The following CNTNAP2 variants were observed in gnomAD, a reference collection of about 807,000 sequenced individuals.
The protein encoded by CNTNAP2 is contactin-associated protein-like 2.
A neutral mutation model predicts 155.2 loss-of-function variants in CNTNAP2; 98 were observed. The ratio of observed to expected loss-of-function variants is 0.63; its 90% CI spans 0.54 to 0.75. CNTNAP2 has a LOEUF of 0.75. CNTNAP2 is among the 30% of genes least tolerant of loss of function. The probability of loss-of-function intolerance (pLI) is 0.00; values close to 1 mark genes in which losing one functional copy is unlikely to be tolerated. For missense variants in CNTNAP2, 1,727 were observed against 1,688.1 expected, an observed-to-expected ratio of 1.02 and a Z score of -0.40; for synonymous variants, 651 against 631.2, an observed-to-expected ratio of 1.03 and a Z score of -0.47.
intron 1 of CNTNAP2, among the ~76,000 whole-genome samples, chr7:146,685,226 A>C (rs187768674): frequency 6.6e-5 from 10 of 152,332 alleles, no homozygotes; most frequent in Non-Finnish European, 1.0e-4. Flanking sequence ...ATCCACTATC[A>C]TGCCGATTTC....
intron 3 of CNTNAP2, among the ~76,000 whole-genome samples, chr7:146,911,798 A>C (rs1433515913): frequency 2.0e-5 from 3 of 152,256 alleles, no homozygotes; most frequent in African/African-American, 7.2e-5. Context: ...CTAAAACTTA[A>C]AGTATAATAA....
chr7:148,069,786 A>G (rs1488296602), intron 15 of CNTNAP2, among the ~76,000 whole-genome samples: 4 of 151,768 alleles, frequency 2.6e-5, no homozygotes, highest in Non-Finnish European at 5.9e-5. Context: ...AGAAAGAAAG[A>G]AAGAATGGGG....
chr7:146,266,300 T>G (rs1484445757), intron 1 of CNTNAP2, among the ~76,000 whole-genome samples: 1 of 152,196 alleles, frequency 6.6e-6, no homozygotes, highest in African/African-American at 2.4e-5. Context: ...ATCCTGAGTG[T>G]CTAGCCTTCC....
intron 1 of CNTNAP2, among the ~76,000 whole-genome samples, chr7:146,734,699 A>G (rs1484795171): frequency 6.6e-6 from 1 of 152,224 alleles, no homozygotes; most frequent in East Asian, 1.9e-4. Flanking sequence ...AAATATTTTT[A>G]AATATTTGTG....
intron 3 of CNTNAP2, among the ~76,000 whole-genome samples, chr7:146,912,374 A>G (rs1796301438): frequency 6.6e-6 from 1 of 151,828 alleles, no homozygotes; most frequent in African/African-American, 2.4e-5. Flanking sequence ...AAAGTCATCT[A>G]TCAGTGTTTA....
intron 11 of CNTNAP2, among the ~76,000 whole-genome samples, chr7:147,532,098 T>TGC (rs1562983953): frequency 6.6e-6 from 1 of 152,078 alleles, no homozygotes; most frequent in Non-Finnish European, 1.5e-5. Context: ...TGAGCCACCA[T>TGC]GCCCGGCCAG....
chr7:147,797,497 C>T (rs1373323955), intron 13 of CNTNAP2, among the ~76,000 whole-genome samples: 1 of 152,108 alleles, frequency 6.6e-6, no homozygotes, highest in Non-Finnish European at 1.5e-5. Flanking sequence ...TAACAACCAT[C>T]CTCTGCCAGC....
chr7:146,151,696 A>T (rs867245281), intron 1 of CNTNAP2, among the ~76,000 whole-genome samples: 1 of 40,228 alleles, frequency 2.5e-5, no homozygotes, highest in East Asian at 5.6e-4. Context: ...ATATATATAT[A>T]TGTATATATA....
intron 9 of CNTNAP2, among the ~76,000 whole-genome samples, chr7:147,309,891 A>G (rs1795091864): frequency 6.6e-6 from 1 of 152,126 alleles, no homozygotes; most frequent in South Asian, 2.1e-4. Flanking sequence ...AAAATTTTTA[A>G]GCCATCACTT....
At chr7:147,826,927 CAT>C (rs1491411638) in intron 13 of CNTNAP2, among the ~76,000 whole-genome samples, 4 of 137,392 alleles carry the variant, frequency 2.9e-5, no homozygotes, top group Admixed American at 7.3e-5. Flanking sequence ...AAGCTGAATA[CAT>C]TTTTTTTTTT....
chr7:146,928,518 G>A (rs532341839), intron 3 of CNTNAP2, among the ~76,000 whole-genome samples: 5 of 152,274 alleles, frequency 3.3e-5, no homozygotes, highest in South Asian at 4.1e-4. Flanking sequence ...CGCAGAAGAC[G>A]GGTGATTTCT....
Position 146,748,143 on chromosome 7 carries a change from C to CTTTTCTTTTTTT in CNTNAP2, c.98-26124_98-26123insCTTTTTTTTTTT, listed in dbSNP as rs60181692. ...GTGGTGTTTTCTTTTCTTTTCTTTT[C>CTTTTCTTTTTTT]TTTTTTTTTTTTTTTTTTTTGAGAA... On this transcript the variant is annotated intron_variant, in intron 1 of 23. Transcript: ENST00000361727. 9.3e-4 allele frequency among the ~76,000 whole-genome samples: 91 copies of CTTTTCTTTTTTT among 98,008 alleles called. 2 individuals are homozygous for CTTTTCTTTTTTT. The highest frequency in any genetic ancestry group is 4.0e-3 in the East Asian group (12 of 2,964). 64.3% of individuals were successfully genotyped at this position (98,008 alleles called of 152,430 possible).
chr7:146,973,072 A>G (rs1219280226), intron 3 of CNTNAP2, among the ~76,000 whole-genome samples: 1 of 152,128 alleles, frequency 6.6e-6, no homozygotes, highest in Non-Finnish European at 1.5e-5. Flanking sequence ...CTTGTTTCTC[A>G]GGCTGGAGTG....
Position 147,062,283 on chromosome 7 carries a change from T to C in CNTNAP2, c.550+18229T>C, listed in dbSNP as rs192130268. ...TATCAGTATATTATTGTGATTTATA[T>C]GTCACAATTTATCCCTGCTTAAATA... On this transcript the variant is annotated intron_variant, in intron 4 of 23. Transcript: ENST00000361727. Among the ~76,000 whole-genome samples, 35 of 151,906 alleles carry C rather than the reference T, an allele frequency of 2.3e-4. No individual in the cohort carries two copies. In the Middle Eastern group the frequency reaches 0.014, roughly 59 times the overall value.
At chr7:146,660,108 G>A (rs79064624) in intron 1 of CNTNAP2, among the ~76,000 whole-genome samples, 3,620 of 152,248 alleles carry the variant, frequency 0.024, 71 homozygotes, top group Non-Finnish European at 0.037. Context: ...TCTTTTATAT[G>A]CAAGAGAAAT....
intron 13 of CNTNAP2, among the ~76,000 whole-genome samples, chr7:147,852,818 G>A (rs184151306): frequency 1.2e-4 from 19 of 152,148 alleles, no homozygotes; most frequent in Middle Eastern, 3.4e-3. Context: ...ATGAGACTAC[G>A]GATCCTCTGC....
chr7:148,017,368 GA>G (rs1802198473), intron 15 of CNTNAP2, among the ~76,000 whole-genome samples: 1 of 152,150 alleles, frequency 6.6e-6, no homozygotes, highest in Non-Finnish European at 1.5e-5. Context: ...GCAGATATGA[GA>G]GAGAACAAAA....
chr7:147,494,861 T>C (rs550724326), intron 11 of CNTNAP2, among the ~76,000 whole-genome samples: 1 of 152,198 alleles, frequency 6.6e-6, no homozygotes, highest in African/African-American at 2.4e-5. Flanking sequence ...TTAACTTCTC[T>C]GAAACCAAAC....
At chr7:146,398,527 G>A (rs1024146327) in intron 1 of CNTNAP2, among the ~76,000 whole-genome samples, 2 of 152,168 alleles carry the variant, frequency 1.3e-5, no homozygotes, top group East Asian at 3.9e-4. Flanking sequence ...TATGAGATTC[G>A]GGTGGGGACA....
Sources: allele counts gnomAD v4.1 joint callset (sites outside exome capture counted in the v4.1 genomes callset), GRCh38; gene constraint gnomAD v4.1.1; transcripts MANE v1.5; gene names NCBI Gene and HGNC (gene_info 2026-07-23, HGNC 2026-07-21).